The following NXPH1 variants were observed in gnomAD, a reference collection of about 807,000 sequenced individuals.
NXPH1 encodes the protein neurexophilin-1.
In NXPH1, 5 loss-of-function variants were observed where a neutral mutation model predicts 23.7. The observed-to-expected ratio is 0.21, with a 90% CI of 0.11 to 0.44. NXPH1 has a LOEUF of 0.44. Among genes scored for constraint, NXPH1 ranks in the 20% least tolerant of loss-of-function variants. NXPH1 has a pLI of 0.99. For missense variants in NXPH1, 324 were observed against 321.6 expected, an observed-to-expected ratio of 1.01 and a Z score of -0.06; for synonymous variants, 144 against 122.2, an observed-to-expected ratio of 1.18 and a Z score of -1.18.
intron 2 of NXPH1, among the ~76,000 whole-genome samples, chr7:8,655,500 ACGCAC>A (rs1820565535): frequency 6.2e-5 from 1 of 16,198 alleles, no homozygotes. Context: ...TGTCCATCAC[ACGCAC>A]ACACACACAC....
chr7:8,581,931 T>C (rs1403275594), intron 2 of NXPH1, among the ~76,000 whole-genome samples: 5 of 152,170 alleles, frequency 3.3e-5, no homozygotes, highest in Admixed American at 1.3e-4. Context: ...CTGCCTCTGC[T>C]TGTGCTACCA....
intron 2 of NXPH1, among the ~76,000 whole-genome samples, chr7:8,498,542 A>T (rs928847043): frequency 6.6e-6 from 1 of 152,038 alleles, no homozygotes; most frequent in Non-Finnish European, 1.5e-5. Context: ...GATGAGATTG[A>T]TTGTTTTTGA....
intron 2 of NXPH1, among the ~76,000 whole-genome samples, chr7:8,650,506 C>T (rs943564502): frequency 6.6e-6 from 1 of 152,186 alleles, no homozygotes; most frequent in Non-Finnish European, 1.5e-5. Flanking sequence ...GTAGTTTATA[C>T]ATTTCAGTTT....
chr7:8,555,994 T>C (rs533478422), intron 2 of NXPH1, among the ~76,000 whole-genome samples: 1 of 151,840 alleles, frequency 6.6e-6, no homozygotes, highest in Admixed American at 6.6e-5. Flanking sequence ...TAACTATAGA[T>C]AGTCATTCTC....
chr7:8,712,287 C>A (rs943444993), intron 2 of NXPH1, among the ~76,000 whole-genome samples: 1 of 152,102 alleles, frequency 6.6e-6, no homozygotes, highest in Non-Finnish European at 1.5e-5. Context: ...TTTTACAAGG[C>A]CATTCTCTTG....
chr7:8,606,854 G>T (rs1428454225), intron 2 of NXPH1, among the ~76,000 whole-genome samples: 2 of 152,198 alleles, frequency 1.3e-5, no homozygotes, highest in African/African-American at 4.8e-5. Flanking sequence ...GTAGGAAGCT[G>T]GGATTAGATG....
At chr7:8,692,973 G>A (rs1210657410) in intron 2 of NXPH1, among the ~76,000 whole-genome samples, 1 of 152,108 alleles carries the variant, frequency 6.6e-6, no homozygotes, top group Non-Finnish European at 1.5e-5. Flanking sequence ...AGTAAGTGAA[G>A]TCTTCCTACA....
chr7:8,703,229 A>C (rs1779654783), intron 2 of NXPH1, among the ~76,000 whole-genome samples: 1 of 152,030 alleles, frequency 6.6e-6, no homozygotes, highest in Admixed American at 6.6e-5. Flanking sequence ...CCTCCTGTGA[A>C]CTTCTAGATT....
intron 2 of NXPH1, among the ~76,000 whole-genome samples, chr7:8,719,603 G>A (rs1779932763): frequency 6.6e-6 from 1 of 152,092 alleles, no homozygotes; most frequent in Non-Finnish European, 1.5e-5. Context: ...ACAGTGTTCT[G>A]GTTGCCTAAA....
chr7:8,689,035 C>G (rs1177621516), intron 2 of NXPH1, among the ~76,000 whole-genome samples: 1 of 151,826 alleles, frequency 6.6e-6, no homozygotes, highest in Non-Finnish European at 1.5e-5. Flanking sequence ...GTCTCTTTTT[C>G]AAAAAATGTT....
In NXPH1 at chr7:8,434,572, G is replaced by T. The variant is rs1203231961; in HGVS notation, c.-294G>T. ...GCGAACCAATCCTGAGCGCGACCCG[G>T]GCACTGGGACGGCGACTCCGCCAAA... On this transcript the variant is annotated 5_prime_UTR_variant, in exon 1 of 3. Transcript: ENST00000405863. The surrounding 1 kb of genome is among the most constrained non-coding windows in gnomAD (Gnocchi z 7.6). 1 of 152,730 alleles carries T rather than the reference G, an allele frequency of 6.5e-6. No homozygotes were observed. The highest frequency in any genetic ancestry group is 2.4e-5 in the African/African-American group (1 of 41,458). 9.5% of individuals were successfully genotyped at this position (152,730 alleles called of 1,614,324 possible).
At chr7:8,638,659 C>A (rs957425823) in intron 2 of NXPH1, among the ~76,000 whole-genome samples, 1 of 152,068 alleles carries the variant, frequency 6.6e-6, no homozygotes, top group Admixed American at 6.6e-5. Flanking sequence ...GCAAGGAATT[C>A]AAAAATTCTT....
At chr7:8,573,418 A>G (rs578077443) in intron 2 of NXPH1, among the ~76,000 whole-genome samples, 164 of 152,280 alleles carry the variant, frequency 1.1e-3, no homozygotes, top group African/African-American at 3.6e-3. Flanking sequence ...GAACTACTTT[A>G]TAAATAGATT....
intron 2 of NXPH1, among the ~76,000 whole-genome samples, chr7:8,645,395 C>T (rs1414565731): frequency 1.3e-5 from 2 of 152,048 alleles, no homozygotes; most frequent in East Asian, 3.8e-4. Flanking sequence ...TTTTCATTTA[C>T]AGTTTGTTGA....
chr7:8,539,599 T>A (rs181320346), intron 2 of NXPH1, among the ~76,000 whole-genome samples: 53 of 151,972 alleles, frequency 3.5e-4, no homozygotes, highest in African/African-American at 1.3e-3. Context: ...TGTATAAGGA[T>A]GTTTATAAAA....
intron 2 of NXPH1, among the ~76,000 whole-genome samples, chr7:8,496,694 C>G (rs1379122111): frequency 6.6e-6 from 1 of 152,074 alleles, no homozygotes; most frequent in African/African-American, 2.4e-5. Flanking sequence ...TCAGCAATTG[C>G]AAGCCCTTCA....
At chr7:8,506,748 C>T (rs1817529847) in intron 2 of NXPH1, among the ~76,000 whole-genome samples, 1 of 151,978 alleles carries the variant, frequency 6.6e-6, no homozygotes, top group African/African-American at 2.4e-5. Context: ...GATGGTGGTG[C>T]TAGCATATCA....
chr7:8,495,293 T>G (rs1817315879), intron 2 of NXPH1, among the ~76,000 whole-genome samples: 2 of 128,716 alleles, frequency 1.6e-5, no homozygotes, highest in African/African-American at 3.1e-5. Context: ...GGCCTTCAAC[T>G]GATTTGATGA....
intron 2 of NXPH1, among the ~76,000 whole-genome samples, chr7:8,570,418 A>G (rs1243871481): frequency 3.9e-5 from 6 of 152,000 alleles, no homozygotes; most frequent in Non-Finnish European, 5.9e-5. Context: ...ATAGAATAGT[A>G]CTTACCTTAT....
Sources: gnomAD v4.1 joint callset for allele counts (sites outside exome capture counted in the v4.1 genomes callset) on GRCh38, gnomAD v4.1.1 for gene constraint, Gnocchi (gnomAD v3.1) non-coding constraint, MANE v1.5 for transcripts, NCBI Gene and HGNC (gene_info 2026-07-23, HGNC 2026-07-21) for gene names.